The following IFT80 variants were observed in gnomAD, a reference collection of about 807,000 sequenced individuals.
IFT80 encodes intraflagellar transport protein 80 homolog.
Under a neutral mutation model 107.9 loss-of-function variants are expected in IFT80, and 79 were observed. The observed-to-expected ratio is 0.73, with a 90% CI of 0.61 to 0.88. IFT80 has a LOEUF of 0.88. IFT80 is among the 40% of genes least tolerant of loss of function. The pLI is 0.00. For missense variants in IFT80, 797 were observed against 914.2 expected (o/e 0.87, Z 1.65); for synonymous variants, 299 against 300.9 (o/e 0.99, Z 0.07).
chr3:160,324,463 G>A (rs1718521281), intron 8 of IFT80, among the ~76,000 whole-genome samples: 1 of 152,046 alleles, frequency 6.6e-6, no homozygotes, highest in Non-Finnish European at 1.5e-5. Context: ...TGGGATGCAA[G>A]GCTGGTTCAA....
At chr3:160,336,075 T>C (rs1032012193) in intron 8 of IFT80, among the ~76,000 whole-genome samples, 3 of 152,218 alleles carry the variant, frequency 2.0e-5, no homozygotes, top group Admixed American at 6.5e-5. Context: ...GACACTTCAA[T>C]TTTTTCAGCT....
intron 14 of IFT80, among the ~76,000 whole-genome samples, chr3:160,281,692 T>C (rs1714701356): frequency 6.6e-6 from 1 of 152,138 alleles, no homozygotes; most frequent in Non-Finnish European, 1.5e-5. Context: ...GTTTAACTGG[T>C]ATACAAACTT....
intron 8 of IFT80, among the ~76,000 whole-genome samples, chr3:160,329,692 T>C (rs575324015): frequency 3.9e-5 from 6 of 152,310 alleles, no homozygotes; most frequent in Admixed American, 1.3e-4. Flanking sequence ...TGTCCAATCA[T>C]ACTTTTGCAT....
intron 12 of IFT80, among the ~76,000 whole-genome samples, chr3:160,292,842 C>T (rs1247448753): frequency 3.9e-4 from 60 of 152,270 alleles, no homozygotes; most frequent in Admixed American, 3.9e-3. Context: ...CTACCTGACA[C>T]CACGGTCCCA....
chr3:160,319,622 G>A, intron 9 of IFT80, 138 bp downstream of exon 9: 1 of 757,924 alleles, frequency 1.3e-6, no homozygotes. Flanking sequence ...GTGACTAATG[G>A]AATAGTTAAA....
intron 18 of IFT80, among the ~76,000 whole-genome samples, chr3:160,273,514 G>A (rs923903188): frequency 3.3e-5 from 5 of 152,160 alleles, no homozygotes; most frequent in Non-Finnish European, 7.4e-5. Flanking sequence ...GTTGATAATA[G>A]GGAGGGCGAA....
At chr3:160,282,186 C>G (rs928303039) in intron 14 of IFT80, among the ~76,000 whole-genome samples, 2 of 152,134 alleles carry the variant, frequency 1.3e-5, no homozygotes, top group Non-Finnish European at 2.9e-5. Flanking sequence ...GAGGCTGAGG[C>G]AGGAGAATCA....
chr3:160,340,983 G>C (rs115573242), intron 8 of IFT80, among the ~76,000 whole-genome samples: 1 of 151,820 alleles, frequency 6.6e-6, no homozygotes, highest in Non-Finnish European at 1.5e-5. Flanking sequence ...ATTTAGATAT[G>C]AGCATAAACA....
intron 6 of IFT80, among the ~76,000 whole-genome samples, chr3:160,359,974 G>A (rs949945960): frequency 6.6e-6 from 1 of 152,214 alleles, no homozygotes; most frequent in Non-Finnish European, 1.5e-5. Flanking sequence ...CTCCTCGCCA[G>A]CAATGGAACA....
chr3:160,342,592 T>C (rs980672921), intron 8 of IFT80: 18 of 152,152 alleles, frequency 1.2e-4, no homozygotes, highest in African/African-American at 3.1e-4. Flanking sequence ...ATATATTACA[T>C]TGAAAGGATC....
chr3:160,313,859 C>T (rs1034515428), intron 9 of IFT80, among the ~76,000 whole-genome samples: 12 of 152,062 alleles, frequency 7.9e-5, no homozygotes, highest in South Asian at 2.1e-4. Context: ...CCACCCGCCT[C>T]GGCCTCCCAA....
intron 8 of IFT80, among the ~76,000 whole-genome samples, chr3:160,351,137 T>C (rs548168168): frequency 6.6e-6 from 1 of 152,084 alleles, no homozygotes; most frequent in Non-Finnish European, 1.5e-5. Context: ...ATTGTTAAAA[T>C]TTGTTATATC....
At chr3:160,312,817 A>T (rs1157719283) in intron 9 of IFT80, among the ~76,000 whole-genome samples, 1 of 38,100 alleles carries the variant, frequency 2.6e-5, no homozygotes, top group Non-Finnish European at 4.6e-5. Context: ...ATTATATATA[A>T]ATATATAATA....
At chr3:160,383,447 T>C in intron 2 of IFT80, 4 of 964,462 alleles carry the variant, frequency 4.1e-6, no homozygotes, top group Non-Finnish European at 4.9e-6. Flanking sequence ...CAATTTAAAA[T>C]GTCTGACCAA....
At chr3:160,394,222 C>A (rs1180868278) in intron 1 of IFT80, 1 of 152,272 alleles carries the variant, frequency 6.6e-6, no homozygotes, top group East Asian at 1.9e-4. Context: ...TCAGGGGTGT[C>A]CAATCTTTCG....
chr3:160,340,348 C>T (rs1474031424), intron 8 of IFT80, among the ~76,000 whole-genome samples: 1 of 152,122 alleles, frequency 6.6e-6, no homozygotes, highest in Non-Finnish European at 1.5e-5. Context: ...AGTGCTGTAA[C>T]AAATTACCAC....
Position 160,257,096 on chromosome 3 carries a change from TAAC to T in IFT80, c.*1426_*1428del, listed in dbSNP as rs1466515801. 6.6e-6 allele frequency: 1 copy of T among 152,168 alleles called. No individual in the cohort carries two copies. Among genetic ancestry groups the T allele is most frequent in the Non-Finnish European group, 1.5e-5 (1 of 68,020 alleles). The allele number at this position is 152,168 out of a possible 1,614,324, so 9.4% of individuals were successfully genotyped here. A position where few individuals can be genotyped will look rare whatever the true frequency, so the allele number is the denominator to read the frequency against. On this transcript the variant is annotated 3_prime_UTR_variant, in exon 20 of 20. Transcript: ENST00000326448. ...ACATTTTAAGCTTCTTATTGAAATA[TAAC>T]AATATAGGAAACACATACACAGTAC...
intron 2 of IFT80, among the ~76,000 whole-genome samples, chr3:160,382,677 G>T (rs1712613966): frequency 2.0e-5 from 3 of 152,040 alleles, no homozygotes; most frequent in Non-Finnish European, 2.9e-5. Context: ...TGAGTTGTTT[G>T]TTCTTATTGT....
At chr3:160,307,431 G>T (rs1716907018) in intron 10 of IFT80, among the ~76,000 whole-genome samples, 1 of 152,192 alleles carries the variant, frequency 6.6e-6, no homozygotes, top group African/African-American at 2.4e-5. Flanking sequence ...TTACAAGCAT[G>T]AGCCATTGCG....
Sources: allele counts gnomAD v4.1 joint callset (sites outside exome capture counted in the v4.1 genomes callset), GRCh38; gene constraint gnomAD v4.1.1; transcripts MANE v1.5; gene names NCBI Gene and HGNC (gene_info 2026-07-23, HGNC 2026-07-21).